Variants in HNRNPR observed in about 807,000 individuals in gnomAD.
The protein encoded by HNRNPR is heterogeneous nuclear ribonucleoprotein R.
In HNRNPR, 4 loss-of-function variants were observed where a neutral mutation model predicts 70.3. That is an observed-to-expected ratio of 0.06 (90% CI 0.03 to 0.13). HNRNPR has a LOEUF of 0.13. Among genes scored for constraint, HNRNPR ranks in the 10% least tolerant of loss-of-function variants. HNRNPR has a pLI of 1.00. For missense variants in HNRNPR, 423 were observed against 788.5 expected (o/e 0.54, Z 5.55); for synonymous variants, 241 against 267.6 (o/e 0.90, Z 0.97).
chr1:23,334,625 T>C (rs1646389407), intron 4 of HNRNPR, among the ~76,000 whole-genome samples: 2 of 152,160 alleles, frequency 1.3e-5, no homozygotes, highest in Non-Finnish European at 2.9e-5. Flanking sequence ...TCCACAAGAA[T>C]CAGGTAATCA....
At chr1:23,331,834 TAAAAAAAAAAAAA>T (rs59006948) in intron 5 of HNRNPR, among the ~76,000 whole-genome samples, 24 of 59,270 alleles carry the variant, frequency 4.0e-4, no homozygotes, top group African/African-American at 1.1e-3. Context: ...ACTGTTTCTT[TAAAAAAAAAAAAA>T]AAAAAAAAAA....
At chr1:23,331,480 G>A (rs1197148093) in intron 5 of HNRNPR, among the ~76,000 whole-genome samples, 21 of 151,184 alleles carry the variant, frequency 1.4e-4, no homozygotes, top group East Asian at 1.2e-3. Flanking sequence ...TCAGGAGTTC[G>A]AGACCAGCCT....
At chr1:23,315,966 A>C (rs1645528434) in intron 8 of HNRNPR, among the ~76,000 whole-genome samples, 2 of 152,194 alleles carry the variant, frequency 1.3e-5, no homozygotes, top group Admixed American at 6.5e-5. Flanking sequence ...CTATGTGAAA[A>C]TTACTTACTG....
intron 3 of HNRNPR, chr1:23,338,196 CCA>C (rs1165308711): frequency 3.2e-6 from 1 of 311,714 alleles, no homozygotes; most frequent in Non-Finnish European, 5.8e-6. Flanking sequence ...CAAATAACCC[CCA>C]AATGTTAAAA....
At chr1:23,320,043 T>C (rs2148364173) in intron 7 of HNRNPR, among the ~76,000 whole-genome samples, 1 of 152,360 alleles carries the variant, frequency 6.6e-6, no homozygotes, top group South Asian at 2.1e-4. Flanking sequence ...TTAATTTTTA[T>C]TTTTTATATT....
At chr1:23,316,197 C>G (rs1050493143) in intron 8 of HNRNPR, among the ~76,000 whole-genome samples, 3 of 152,014 alleles carry the variant, frequency 2.0e-5, no homozygotes, top group South Asian at 2.1e-4. Context: ...TGCAAGCACC[C>G]GGGAGGCTGA....
chr1:23,342,681 C>A (rs1425762855), intron 1 of HNRNPR, among the ~76,000 whole-genome samples: 1 of 152,146 alleles, frequency 6.6e-6, no homozygotes, highest in Non-Finnish European at 1.5e-5. Context: ...CCACATACTA[C>A]CTTAAGATCA....
intron 3 of HNRNPR, chr1:23,338,185 T>A (rs1448791880): frequency 3.2e-6 from 1 of 312,496 alleles, no homozygotes; most frequent in African/African-American, 2.2e-5. Context: ...TAAAACAGGA[T>A]CAAATAACCC....
In HNRNPR at chr1:23,310,909, G is replaced by A. The variant is rs887758919; in HGVS notation, c.1447C>T (p.Arg483Cys). The A allele has an allele frequency of 3.3e-5, 53 of 1,613,916 alleles. No homozygotes were observed. The highest frequency in any genetic ancestry group is 4.1e-5 in the Non-Finnish European group (48 of 1,179,998). ...TAGTAGGGATCTTCATAGCCTCCAC[G>A]ATAGTCGTGATAATCATAACCATAG... Reference protein sequence around the residue: ...DYYGYDYHDYRGGYEDPYYGY... With the variant: ...DYYGYDYHDYCGGYEDPYYGY... The change falls in exon 11 of 11, where the codon CGT becomes TGT. Residue 483 changes from arginine (R) to cysteine (C), a missense_variant. Coordinates refer to ENST00000302271, the MANE Select transcript of HNRNPR (RefSeq NM_005826.5). This position sits in a 1 kb window ranked among gnomAD's most constrained non-coding sequence, Gnocchi z 6.0.
At chr1:23,332,568 T>C (rs1265086388) in intron 5 of HNRNPR, among the ~76,000 whole-genome samples, 2 of 150,214 alleles carry the variant, frequency 1.3e-5, no homozygotes, top group Non-Finnish European at 3.0e-5. Context: ...GGTGTGGTGG[T>C]GCATGCCAGT....
intron 5 of HNRNPR, among the ~76,000 whole-genome samples, chr1:23,332,318 A>G (rs1437501436): frequency 2.0e-5 from 3 of 152,074 alleles, no homozygotes; most frequent in Admixed American, 1.3e-4. Context: ...ACGCCCATCA[A>G]TAATATCTCT....
chr1:23,333,439 C>T (rs981840956), intron 5 of HNRNPR, 79 bp downstream of exon 5: 11 of 808,842 alleles, frequency 1.4e-5, no homozygotes, highest in African/African-American at 1.0e-4. Flanking sequence ...AATTTTCCCC[C>T]GTCTGTACAG....
intron 5 of HNRNPR, among the ~76,000 whole-genome samples, chr1:23,325,746 A>T (rs1330991780): frequency 6.6e-6 from 1 of 152,208 alleles, no homozygotes; most frequent in Non-Finnish European, 1.5e-5. Flanking sequence ...TATTTTGCTC[A>T]GTACCATCCT....
chr1:23,340,424 T>A (rs1257186819), intron 2 of HNRNPR, among the ~76,000 whole-genome samples: 1 of 152,198 alleles, frequency 6.6e-6, no homozygotes, highest in African/African-American at 2.4e-5. Context: ...CTGACATTTA[T>A]TATGGTTTCA....
rs201762939 is a variant in HNRNPR at position 23,323,527 on chromosome 1, T to C, written c.675+29A>G. 1.0e-4 allele frequency: 159 copies of C among 1,584,474 alleles called. No individual in the cohort carries two copies. The East Asian group carries it at 3.3e-3, about 32-fold the overall frequency. ...AAGTTTATTTCCTCAAATAGTGACT[T>C]GCTAAGACAGTGGATAATTATCACA... is the stretch of plus-strand genomic sequence containing the variant. On this transcript the variant is annotated intron_variant, in intron 6 of 10. Coordinates refer to ENST00000302271, the MANE Select transcript of HNRNPR (RefSeq NM_005826.5).
At chr1:23,314,720 T>A (rs1645465054) in intron 8 of HNRNPR, among the ~76,000 whole-genome samples, 1 of 152,216 alleles carries the variant, frequency 6.6e-6, no homozygotes, top group Non-Finnish European at 1.5e-5. Flanking sequence ...GGAAAATAAT[T>A]CTCTTGTATT....
At chr1:23,320,921 C>T (rs1353205373) in intron 7 of HNRNPR, among the ~76,000 whole-genome samples, 1 of 152,134 alleles carries the variant, frequency 6.6e-6, no homozygotes, top group African/African-American at 2.4e-5. Context: ...AATCCCAGCA[C>T]TTTGGGAGGC....
chr1:23,322,130 A>G (rs192923631), intron 6 of HNRNPR, among the ~76,000 whole-genome samples: 9 of 152,226 alleles, frequency 5.9e-5, no homozygotes, highest in Non-Finnish European at 1.0e-4. Context: ...AATTCTAAAT[A>G]TATAGTTTTA....
chr1:23,314,994 A>G (rs1055817551), intron 8 of HNRNPR, among the ~76,000 whole-genome samples: 2 of 152,158 alleles, frequency 1.3e-5, no homozygotes, highest in Admixed American at 6.5e-5. Context: ...AAAATGAAGA[A>G]GAGGGCTGGG....
Sources: gnomAD v4.1 joint callset for allele counts (sites outside exome capture counted in the v4.1 genomes callset) on GRCh38, gnomAD v4.1.1 for gene constraint, Gnocchi (gnomAD v3.1) non-coding constraint, MANE v1.5 for transcripts, NCBI Gene and HGNC (gene_info 2026-07-23, HGNC 2026-07-21) for gene names.